NOTCH2: variants seen among roughly 807,000 people sequenced by gnomAD.
The protein encoded by NOTCH2 is notch receptor 2, also known as neurogenic locus notch homolog protein 2.
A neutral mutation model predicts 235.8 loss-of-function variants in NOTCH2; 29 were observed. The observed-to-expected ratio is 0.12, with a 90% CI of 0.09 to 0.17. The LOEUF (loss-of-function observed/expected upper bound fraction) is 0.17, where lower values mean the gene tolerates loss of function less well. Ranked by LOEUF, NOTCH2 falls within the 10% of genes least tolerant of loss-of-function variation. NOTCH2 has a pLI of 1.00. For synonymous variants in NOTCH2, 1,086 were observed against 1,141.5 expected (o/e 0.95, Z 0.98); for missense variants, 2,285 against 3,150.2 (o/e 0.73, Z 6.57).
In NOTCH2 at chr1:119,916,351, T is replaced by C. The variant is rs2101144372; in HGVS notation, c.6371A>G (p.Lys2124Arg). The C allele has an allele frequency of 6.2e-7, 1 of 1,614,176 alleles. No individual in the cohort carries two copies. Among genetic ancestry groups the C allele is most frequent in the African/African-American group, 1.3e-5 (1 of 75,044 alleles). The change falls in exon 34 of 34, where the codon AAG (lysine) becomes AGG (arginine). Residue 2124 changes from lysine (K) to arginine (R), a missense_variant. Lys to Arg is a conservative substitution (Grantham distance 26). Transcript: ENST00000256646. The stretch of plus-strand genomic sequence containing the variant: ...CTTCCTCCTACTACCCTTGGCATCC[T>C]TTGCCTCCTTGGCAAGGTTAGGGAG... ...TSLPNLAKEA[K>R]DAKGSRRKKS... is the part of the protein sequence containing the mutation.
chr1:119,984,361 G>A (rs587679599), intron 5 of NOTCH2, among the ~76,000 whole-genome samples: 1 of 152,098 alleles, frequency 6.6e-6, no homozygotes, highest in East Asian at 1.9e-4. Flanking sequence ...AACCACTACG[G>A]GTCTTGGGCA....
At chr1:119,941,403 T>C in intron 18 of NOTCH2, 123 bp downstream of exon 18, 1 of 733,646 alleles carries the variant, frequency 1.4e-6, no homozygotes, top group Non-Finnish European at 2.5e-6. Context: ...GAGATGACTG[T>C]GGACTGGGAT....
intron 9 of NOTCH2, 45 bp from the exon 10 acceptor site, chr1:119,965,611 G>A (rs1651106987): frequency 1.6e-6 from 2 of 1,287,538 alleles, no homozygotes; most frequent in Non-Finnish European, 2.3e-6. Context: ...ATTATCTTGT[G>A]TCTCCCTTTA....
chr1:119,949,576 C>T (rs937402630), intron 15 of NOTCH2, among the ~76,000 whole-genome samples: 7 of 151,850 alleles, frequency 4.6e-5, no homozygotes, highest in East Asian at 1.9e-4. Flanking sequence ...TTAGTAGAGA[C>T]GGGGTTTCAC....
chr1:119,969,936 C>G (rs587755810), intron 5 of NOTCH2, among the ~76,000 whole-genome samples, 192 bp from the exon 6 acceptor site: 1 of 152,090 alleles, frequency 6.6e-6, no homozygotes, highest in Admixed American at 6.5e-5. Context: ...CCAGGCAAAT[C>G]GTTTCAAGAT....
In NOTCH2 at chr1:119,949,019, G is replaced by C; in HGVS notation, c.2587C>G (p.Pro863Ala). 6.2e-7 allele frequency: 1 copy of C among 1,614,124 alleles called. No homozygotes were observed. ...NFESYTCLCA[P>A]GWQGQRCTID... ...CCCATGTTCTTACCTTGCCAGCCAG[G>C]AGCACACAAGCAAGTATAACTCTCA... Residue 863 changes from proline (P) to alanine (A), a missense_variant, in exon 16 of 34, where the codon CCT becomes GCT. By Grantham distance (27) the Pro-to-Ala change is conservative. Coordinates refer to ENST00000256646, the MANE Select transcript of NOTCH2 (RefSeq NM_024408.4).
intron 29 of NOTCH2, 73 bp downstream of exon 29, chr1:119,921,640 G>A: frequency 1.6e-6 from 2 of 1,234,168 alleles, no homozygotes; most frequent in Non-Finnish European, 2.4e-6. Flanking sequence ...GGACACTCTG[G>A]AGCTAAAGGA....
chr1:119,957,738 T>C (rs1650758526), intron 12 of NOTCH2, among the ~76,000 whole-genome samples: 1 of 152,076 alleles, frequency 6.6e-6, no homozygotes, highest in East Asian at 1.9e-4. Context: ...TTCTCCCTTC[T>C]TGGCCTTCCT....
At chr1:120,058,349 C>CA (rs1486321758) in intron 1 of NOTCH2, among the ~76,000 whole-genome samples, 8 of 150,300 alleles carry the variant, frequency 5.3e-5, no homozygotes, top group African/African-American at 2.0e-4. Context: ...ACTAAAACTA[C>CA]AAAAAATTAG....
chr1:119,969,498 T>C lies in NOTCH2; in HGVS notation c.1108+13A>G. 3 of 1,612,200 alleles carry C rather than the reference T, an allele frequency of 1.9e-6. No homozygotes were observed. Among genetic ancestry groups the C allele is most frequent in the Non-Finnish European group, 2.5e-6 (3 of 1,178,858 alleles). ...CCCTTCCCTGTTTCTAGATCCGTCCTTCTGCTACCTACCTGCCTTCCCCTC... is the reference window on the plus strand; with the variant it reads ...CCCTTCCCTGTTTCTAGATCCGTCCCTCTGCTACCTACCTGCCTTCCCCTC... On this transcript the variant is annotated intron_variant, in intron 6 of 33. Coordinates refer to ENST00000256646, the MANE Select transcript of NOTCH2 (RefSeq NM_024408.4).
intron 4 of NOTCH2, among the ~76,000 whole-genome samples, chr1:119,988,516 C>T (rs1652106877): frequency 6.6e-6 from 1 of 152,084 alleles, no homozygotes; most frequent in South Asian, 2.1e-4. Context: ...ATTATTCATA[C>T]AGAAATATGA....
At chr1:119,966,527 A>G in intron 8 of NOTCH2, 38 bp from the exon 9 acceptor site, 2 of 1,431,910 alleles carry the variant, frequency 1.4e-6, no homozygotes, top group Non-Finnish European at 9.9e-7. Flanking sequence ...TTAAAGAGAG[A>G]GAAAGGTGTA....
At chr1:120,024,012 TTACTC>T (rs1383041365) in intron 2 of NOTCH2, among the ~76,000 whole-genome samples, 1 of 152,004 alleles carries the variant, frequency 6.6e-6, no homozygotes, top group Non-Finnish European at 1.5e-5. Context: ...TAAGAAAAGA[TTACTC>T]TATGAGAGGT....
chr1:119,940,502 A>G (rs2101103464), intron 19 of NOTCH2, 53 bp downstream of exon 19: 1 of 1,487,364 alleles, frequency 6.7e-7, no homozygotes, highest in Non-Finnish European at 9.4e-7. Flanking sequence ...GTGAACAGGT[A>G]TAATATTCAG....
At position 119,913,925 on chromosome 1, in the gene NOTCH2, A is replaced by C; in HGVS notation, c.*1381T>G. 1 of 233,078 alleles carries C rather than the reference A, an allele frequency of 4.3e-6. No homozygotes were observed. Among genetic ancestry groups the C allele is most frequent in the Non-Finnish European group, 8.5e-6 (1 of 117,936 alleles). 14.4% of individuals were successfully genotyped at this position (233,078 alleles called of 1,614,324 possible). A position where few individuals can be genotyped will look rare whatever the true frequency, so the allele number is the denominator to read the frequency against. ...ACAAGTCCAACTTTCCAATTCCTGC[A>C]CTTGAACATATAAAGTCCATGTCTT... On this transcript the variant is annotated 3_prime_UTR_variant, in exon 34 of 34. Coordinates refer to ENST00000256646, the MANE Select transcript of NOTCH2 (RefSeq NM_024408.4).
intron 22 of NOTCH2, among the ~76,000 whole-genome samples, chr1:119,930,892 ATCGAG>A (rs199631415): frequency 0.012 from 1,785 of 152,030 alleles, 36 homozygotes; most frequent in African/African-American, 0.041. Flanking sequence ...AGGTCAGGAG[ATCGAG>A]ACCATCCTGG....
At chr1:119,965,010 G>C (rs912374844) in intron 10 of NOTCH2, among the ~76,000 whole-genome samples, 2 of 152,182 alleles carry the variant, frequency 1.3e-5, no homozygotes, top group African/African-American at 4.8e-5. Context: ...TCCTATTTTG[G>C]TGTCTTTTAT....
intron 15 of NOTCH2, 117 bp downstream of exon 15, chr1:119,950,607 A>G (rs1159258129): frequency 2.1e-5 from 16 of 762,388 alleles, no homozygotes; most frequent in Non-Finnish European, 3.6e-5. Flanking sequence ...AGGACAACTG[A>G]GGAGTGAGCC....
chr1:119,921,665 G>C, intron 29 of NOTCH2, 48 bp downstream of exon 29: 1 of 1,501,344 alleles, frequency 6.7e-7, no homozygotes, highest in Non-Finnish European at 9.3e-7. Flanking sequence ...AATTTGAAAT[G>C]TAACCAGATA....
Sources: gnomAD v4.1 joint callset for allele counts (sites outside exome capture counted in the v4.1 genomes callset) on GRCh38, gnomAD v4.1.1 for gene constraint, MANE v1.5 for transcripts, NCBI Gene and HGNC (gene_info 2026-07-23, HGNC 2026-07-21) for gene names.